PIP5K1C: variants seen among roughly 807,000 people sequenced by gnomAD.
PIP5K1C encodes phosphatidylinositol 4-phosphate 5-kinase type-1 gamma.
PIP5K1C carries 45 observed loss-of-function variants against 80.1 expected under a neutral mutation model. The ratio of observed to expected loss-of-function variants is 0.56; its 90% confidence interval spans 0.44 to 0.72. The LOEUF is 0.72. Ranked by LOEUF, PIP5K1C falls within the 30% of genes least tolerant of loss-of-function variation. The probability of loss-of-function intolerance (pLI) is 0.00; values close to 1 mark genes in which losing one functional copy is unlikely to be tolerated. For missense variants in PIP5K1C, 753 were observed against 954.6 expected (o/e 0.79, Z 2.78); for synonymous variants, 498 against 420.1 (o/e 1.19, Z -2.27).
chr19:3,686,288 C>T (rs1247423649), intron 1 of PIP5K1C, among the ~76,000 whole-genome samples: 8 of 151,738 alleles, frequency 5.3e-5, no homozygotes, highest in Non-Finnish European at 1.0e-4. Context: ...GGCGTGGTGG[C>T]GGGCGCCTGT....
chr19:3,689,790 C>G (rs964613238), intron 1 of PIP5K1C, among the ~76,000 whole-genome samples: 1 of 151,566 alleles, frequency 6.6e-6, no homozygotes, highest in African/African-American at 2.4e-5. Flanking sequence ...CACACACACA[C>G]TAACTCACAT....
Position 3,676,063 on chromosome 19 carries a change from G to A in PIP5K1C, c.95-8710C>T, listed in dbSNP as rs1030399448. On this transcript the variant is annotated intron_variant, in intron 1 of 17. Coordinates refer to ENST00000335312, the MANE Select transcript of PIP5K1C (RefSeq NM_012398.3). Reference sequence around the variant, plus strand: ...GCCTGACCAGGCAGCCACTCCTCACGGCTTCATTTGACACATGGGGAAACC... The same window carrying A: ...GCCTGACCAGGCAGCCACTCCTCACAGCTTCATTTGACACATGGGGAAACC... Among the ~76,000 whole-genome samples the A allele has an allele frequency of 2.6e-5, 4 of 152,196 alleles. 1 individual carries two copies. Among genetic ancestry groups the A allele is most frequent in the East Asian group, 3.9e-4 (2 of 5,194 alleles).
intron 5 of PIP5K1C, 21 bp downstream of exon 5, chr19:3,660,945 C>G: frequency 6.3e-7 from 1 of 1,579,734 alleles, no homozygotes; most frequent in Non-Finnish European, 8.7e-7. Flanking sequence ...CCTGGAAGCC[C>G]GTAACAGCAA....
At chr19:3,647,967 CA>C (rs2034299316) in intron 9 of PIP5K1C, among the ~76,000 whole-genome samples, 1 of 151,984 alleles carries the variant, frequency 6.6e-6, no homozygotes, top group African/African-American at 2.4e-5. Context: ...AATGAAAAAC[CA>C]AAAAACAAAT....
intron 1 of PIP5K1C, among the ~76,000 whole-genome samples, chr19:3,672,815 A>C (rs1284827738): frequency 6.6e-6 from 1 of 152,104 alleles, no homozygotes. Context: ...CAGGACAGGA[A>C]CAGTGGTGGC....
Position 3,648,825 on chromosome 19 carries a change from C to A in PIP5K1C, c.1128-117G>T. On this transcript the variant is annotated intron_variant, in intron 8 of 17. Transcript: ENST00000335312. This position sits in a 1 kb window ranked among gnomAD's most constrained non-coding sequence, Gnocchi z 4.3. ...CTGCTCCTGTGGGTGGCAACTTGGCCAAGCTCTCGGAGTGGGGCCTGGCAC... is the reference window on the plus strand; with the variant it reads ...CTGCTCCTGTGGGTGGCAACTTGGCAAAGCTCTCGGAGTGGGGCCTGGCAC... The A allele has an allele frequency of 2.4e-6, 2 of 825,546 alleles. No individual in the cohort carries two copies. Among genetic ancestry groups the A allele is most frequent in the Non-Finnish European group, 4.0e-6 (2 of 495,630 alleles). 51.1% of individuals were successfully genotyped at this position (825,546 alleles called of 1,614,324 possible). A position where few individuals can be genotyped will look rare whatever the true frequency, so the allele number is the denominator to read the frequency against.
intron 8 of PIP5K1C, chr19:3,650,108 C>A: frequency 6.4e-6 from 1 of 156,000 alleles, no homozygotes; most frequent in Non-Finnish European, 1.4e-5. Context: ...GGTTGGGGCC[C>A]CGGCTCCTCC....
chr19:3,662,824 C>T (rs1017585865), intron 3 of PIP5K1C, among the ~76,000 whole-genome samples: 1 of 151,578 alleles, frequency 6.6e-6, no homozygotes, highest in African/African-American at 2.4e-5. Context: ...CCTGGGCCTC[C>T]CAAAATGCTG....
At chr19:3,660,937 TG>T in intron 5 of PIP5K1C, 28 bp downstream of exon 5, 1 of 1,560,176 alleles carries the variant, frequency 6.4e-7, no homozygotes, top group Non-Finnish European at 8.8e-7. Flanking sequence ...GTTTCAAGCC[TG>T]GAAGCCCGTA....
intron 1 of PIP5K1C, among the ~76,000 whole-genome samples, chr19:3,682,507 T>C (rs747134299): frequency 3.8e-4 from 57 of 151,166 alleles, no homozygotes; most frequent in Non-Finnish European, 5.7e-4. Flanking sequence ...TAGCAAGACA[T>C]AGCAAGACCC....
intron 1 of PIP5K1C, among the ~76,000 whole-genome samples, chr19:3,674,633 T>G (rs2035305222): frequency 6.6e-6 from 1 of 152,122 alleles, no homozygotes; most frequent in Admixed American, 6.5e-5. Flanking sequence ...CTCCCCCGAG[T>G]AGCTGGGACT....
rs995841471 is a variant in PIP5K1C, at chr19:3,656,650, T to A, written c.469-93A>T. 1.1e-5 allele frequency: 16 copies of A among 1,424,022 alleles called. No homozygotes were observed. The South Asian group carries it at 1.7e-4, about 15-fold the overall frequency. The allele number at this position is 1,424,022 out of a possible 1,614,324, so 88.2% of individuals were successfully genotyped here. A position where few individuals can be genotyped will look rare whatever the true frequency, so the allele number is the denominator to read the frequency against. On this transcript the variant is annotated intron_variant, in intron 5 of 17. Transcript: ENST00000335312. ...TCTGCCCAACAGCCCCAGGAACTGA[T>A]GACGGGTCGCTGCATTTTACAGATG...
At chr19:3,686,741 A>AAAAT in intron 1 of PIP5K1C, among the ~76,000 whole-genome samples, 1 of 150,630 alleles carries the variant, frequency 6.6e-6, no homozygotes, top group Admixed American at 6.6e-5. Flanking sequence ...TAAATAAAAT[A>AAAAT]AAATAAAATA....
At position 3,675,596 on chromosome 19, in the gene PIP5K1C, G is replaced by A. The variant is rs79435191; in HGVS notation, c.95-8243C>T. On this transcript the variant is annotated intron_variant, in intron 1 of 17. Transcript: ENST00000335312. ...CTTCTGCTCCTCTCTGGTATGGACCGGGATGGACAGTCTCGTCCATGGTGA... is the reference window on the plus strand; with the variant it reads ...CTTCTGCTCCTCTCTGGTATGGACCAGGATGGACAGTCTCGTCCATGGTGA... Among the ~76,000 whole-genome samples, 41 of 152,310 alleles carry A rather than the reference G, an allele frequency of 2.7e-4. No homozygotes were observed. In the East Asian group the frequency reaches 6.6e-3, roughly 24 times the overall value.
At chr19:3,639,182 T>G (rs2033849947) in intron 15 of PIP5K1C, among the ~76,000 whole-genome samples, 166 bp from the exon 16 acceptor site, 1 of 152,044 alleles carries the variant, frequency 6.6e-6, no homozygotes, top group Non-Finnish European at 1.5e-5. Flanking sequence ...TTATCGCAAA[T>G]CAGAACAAAC....
chr19:3,682,372 T>TAAA (rs369608211), intron 1 of PIP5K1C, among the ~76,000 whole-genome samples: 9 of 111,210 alleles, frequency 8.1e-5, no homozygotes, highest in African/African-American at 2.4e-4. Context: ...AGACTCCATC[T>TAAA]AAAAAAAAAA....
chr19:3,670,428 C>A (rs925529849), intron 1 of PIP5K1C, among the ~76,000 whole-genome samples: 1 of 152,128 alleles, frequency 6.6e-6, no homozygotes, highest in Admixed American at 6.5e-5. Flanking sequence ...GGGCACCACT[C>A]CTCCAGGCCC....
intron 16 of PIP5K1C, among the ~76,000 whole-genome samples, chr19:3,634,707 G>A (rs2033601454): frequency 6.6e-6 from 1 of 152,232 alleles, no homozygotes; most frequent in Non-Finnish European, 1.5e-5. Flanking sequence ...GGTGAGCCCA[G>A]ACCTCACCTG....
chr19:3,656,344 C>G, intron 6 of PIP5K1C, 61 bp downstream of exon 6: 8 of 1,598,852 alleles, frequency 5.0e-6, no homozygotes, highest in Non-Finnish European at 6.0e-6. Context: ...CATCTGCTCC[C>G]GCCAGCCGGG....
Sources: allele counts gnomAD v4.1 joint callset (sites outside exome capture counted in the v4.1 genomes callset), GRCh38; gene constraint gnomAD v4.1.1; non-coding constraint Gnocchi (gnomAD v3.1); transcripts MANE v1.5; gene names NCBI Gene and HGNC (gene_info 2026-07-23, HGNC 2026-07-21).